Variants in C10orf90 observed in about 807,000 individuals in gnomAD.
C10orf90 encodes the protein (E2-independent) E3 ubiquitin-conjugating enzyme FATS.
In C10orf90, 56 loss-of-function variants were observed where a neutral mutation model predicts 62.5. The ratio of observed to expected loss-of-function variants is 0.90; its 90% confidence interval spans 0.72 to 1.12. The LOEUF is 1.12. Among genes scored for constraint, C10orf90 ranks in the 50% most tolerant of loss-of-function variants. C10orf90 has a pLI of 0.00. For missense variants in C10orf90, 970 were observed against 880.4 expected, an observed-to-expected ratio of 1.10 and a Z score of -1.29; for synonymous variants, 386 against 340.4, an observed-to-expected ratio of 1.13 and a Z score of -1.47.
At chr10:126,561,454 T>A (rs1313104569) in intron 2 of C10orf90, among the ~76,000 whole-genome samples, 1 of 152,132 alleles carries the variant, frequency 6.6e-6, no homozygotes, top group African/African-American at 2.4e-5. Context: ...AGACTGTGGG[T>A]GTGAAATTGT....
chr10:126,586,746 AG>A (rs1844880124), intron 2 of C10orf90, among the ~76,000 whole-genome samples: 1 of 152,266 alleles, frequency 6.6e-6, no homozygotes, highest in Middle Eastern at 3.4e-3. Context: ...GAACAGCCAG[AG>A]GGAGATCAAA....
intron 2 of C10orf90, among the ~76,000 whole-genome samples, chr10:126,571,511 T>C (rs1351087880): frequency 6.6e-6 from 1 of 152,182 alleles, no homozygotes; most frequent in East Asian, 1.9e-4. Context: ...ACCTGCACCC[T>C]GGAAGGATGC....
intron 4 of C10orf90, among the ~76,000 whole-genome samples, chr10:126,468,519 G>A (rs1285036953): frequency 2.6e-5 from 4 of 152,140 alleles, no homozygotes; most frequent in African/African-American, 9.7e-5. Flanking sequence ...AATGAGTTCT[G>A]GACACCAGGG....
intron 2 of C10orf90, among the ~76,000 whole-genome samples, chr10:126,592,312 A>G (rs1350021906): frequency 3.3e-5 from 5 of 152,216 alleles, no homozygotes; most frequent in Admixed American, 6.5e-5. Context: ...GGCTACAGTA[A>G]CCAAAACAGC....
At chr10:126,606,712 C>T (rs67276552) in intron 2 of C10orf90, among the ~76,000 whole-genome samples, 10,159 of 152,230 alleles carry the variant, frequency 0.067, 372 homozygotes, top group Middle Eastern at 0.12. Context: ...AGTAGAACTA[C>T]GACTGGTTTG....
At chr10:126,599,278 C>T (rs1008743599) in intron 2 of C10orf90, among the ~76,000 whole-genome samples, 12 of 151,668 alleles carry the variant, frequency 7.9e-5, no homozygotes, top group South Asian at 4.2e-4. Flanking sequence ...CTTCGCCTCC[C>T]GGGTTCACGC....
At chr10:126,546,975 A>G (rs1864506790) in intron 2 of C10orf90, among the ~76,000 whole-genome samples, 1 of 152,110 alleles carries the variant, frequency 6.6e-6, no homozygotes, top group African/African-American at 2.4e-5. Context: ...TACTACAAAA[A>G]ATTAGGCAGG....
intron 1 of C10orf90, among the ~76,000 whole-genome samples, chr10:126,667,845 T>A (rs118028067): frequency 0.019 from 2,903 of 152,214 alleles, 51 homozygotes; most frequent in South Asian, 0.083. Flanking sequence ...CTTAACAAAC[T>A]GTATTTCTCA....
chr10:126,601,190 G>A (rs1845191459), intron 2 of C10orf90, among the ~76,000 whole-genome samples: 1 of 152,154 alleles, frequency 6.6e-6, no homozygotes. Context: ...GGTCACCAGG[G>A]GTAGGGGCTG....
intron 7 of C10orf90, among the ~76,000 whole-genome samples, chr10:126,432,289 A>G (rs942694949): frequency 6.6e-6 from 1 of 152,174 alleles, no homozygotes; most frequent in Non-Finnish European, 1.5e-5. Context: ...GTGTTTTGGG[A>G]GCCCTGACCA....
chr10:126,644,517 AT>A (rs770020526), intron 2 of C10orf90, among the ~76,000 whole-genome samples: 2 of 152,208 alleles, frequency 1.3e-5, no homozygotes, highest in South Asian at 2.1e-4. Flanking sequence ...TTCAAGTGTT[AT>A]TCCATAATCA....
Position 126,569,573 on chromosome 10 carries a change from A to G in C10orf90, c.314-55634T>C, listed in dbSNP as rs140423089. On this transcript the variant is annotated intron_variant, in intron 2 of 9. Transcript: ENST00000488181. ...TATAAACCAAGTAAGTATCTTGGCA[A>G]TACATTTTTGTAAAGAGATGAGAAA... is the stretch of plus-strand genomic sequence containing the variant. Among the ~76,000 whole-genome samples the G allele has an allele frequency of 7.9e-4, 120 of 152,320 alleles. No individual in the cohort carries two copies. The East Asian group carries it at 0.017, about 22-fold the overall frequency.
chr10:126,613,824 A>G (rs1374324839), intron 2 of C10orf90, among the ~76,000 whole-genome samples: 1 of 152,210 alleles, frequency 6.6e-6, no homozygotes, highest in East Asian at 1.9e-4. Context: ...CTTATGCATG[A>G]GCCAAGGCTT....
rs199565572 is a variant in C10orf90, at chr10:126,588,709, G to A, written c.313+57856C>T. ...CAAAAACTCCATTCAAAGTTCAGCA[G>A]CCTCAAAGATGAAAGGTATGTAAGC... On this transcript the variant is annotated intron_variant, in intron 2 of 9. Transcript: ENST00000488181. Among the ~76,000 whole-genome samples, 9 of 152,260 alleles carry A rather than the reference G, an allele frequency of 5.9e-5. No homozygotes were observed. In the East Asian group the frequency reaches 1.4e-3, roughly 23 times the overall value.
intron 4 of C10orf90, among the ~76,000 whole-genome samples, chr10:126,488,818 C>T (rs1415878034): frequency 1.3e-5 from 2 of 152,046 alleles, no homozygotes; most frequent in Admixed American, 6.6e-5. Flanking sequence ...CCTTGAAAGA[C>T]ACAAATTGCC....
intron 2 of C10orf90, chr10:126,521,331 G>A: frequency 1.9e-6 from 3 of 1,614,076 alleles, no homozygotes; most frequent in Non-Finnish European, 2.5e-6. Context: ...ATTCTACTGA[G>A]GTTTCAAAGC....
At chr10:126,461,721 C>T in intron 5 of C10orf90, 136 bp from the exon 6 acceptor site, 1 of 893,798 alleles carries the variant, frequency 1.1e-6, no homozygotes, top group South Asian at 1.7e-5. Flanking sequence ...GTTAAGCTGA[C>T]AAGATCATGC....
chr10:126,538,491 CTG>C (rs1864296756), intron 2 of C10orf90, among the ~76,000 whole-genome samples: 1 of 152,196 alleles, frequency 6.6e-6, no homozygotes, highest in Non-Finnish European at 1.5e-5. Context: ...ACCTCCAGAA[CTG>C]TGCATCAATA....
intron 2 of C10orf90, among the ~76,000 whole-genome samples, chr10:126,599,738 A>G (rs1845159569): frequency 6.6e-6 from 1 of 152,108 alleles, no homozygotes; most frequent in Admixed American, 6.5e-5. Context: ...GTTAATATTA[A>G]TTAAAGTGCT....
Sources: gnomAD v4.1 joint callset for allele counts (sites outside exome capture counted in the v4.1 genomes callset) on GRCh38, gnomAD v4.1.1 for gene constraint, MANE v1.5 for transcripts, NCBI Gene and HGNC (gene_info 2026-07-23, HGNC 2026-07-21) for gene names.